The following PTPRK variants were observed in gnomAD, a reference collection of about 807,000 sequenced individuals.
PTPRK encodes the protein receptor-type tyrosine-protein phosphatase kappa.
Under a neutral mutation model 178.0 loss-of-function variants are expected in PTPRK, and 75 were observed. The ratio of observed to expected loss-of-function variants is 0.42; its 90% CI spans 0.35 to 0.51. PTPRK has a LOEUF of 0.51. Ranked by LOEUF, PTPRK falls within the 20% of genes least tolerant of loss-of-function variation. The probability of loss-of-function intolerance (pLI) is 0.02; values close to 1 mark genes in which losing one functional copy is unlikely to be tolerated. For synonymous variants in PTPRK, 637 were observed against 620.6 expected (o/e 1.03, Z -0.39); for missense variants, 1,441 against 1,797.8 (o/e 0.80, Z 3.59).
intron 25 of PTPRK, among the ~76,000 whole-genome samples, chr6:127,980,070 G>A (rs1034554271): frequency 6.6e-6 from 1 of 152,160 alleles, no homozygotes; most frequent in Admixed American, 6.5e-5. Context: ...CAGTACTTTG[G>A]GGGGCCGAGG....
intron 3 of PTPRK, among the ~76,000 whole-genome samples, chr6:128,264,492 A>AT (rs1562158314): frequency 1.3e-5 from 2 of 151,876 alleles, no homozygotes; most frequent in Admixed American, 1.3e-4. Context: ...TAATTTTATT[A>AT]TTTTTTTAGA....
At chr6:128,298,000 G>C (rs561229101) in intron 3 of PTPRK, among the ~76,000 whole-genome samples, 1 of 152,100 alleles carries the variant, frequency 6.6e-6, no homozygotes, top group Non-Finnish European at 1.5e-5. Context: ...AAGAAGAAAA[G>C]AGAGAAGAAT....
At chr6:128,040,965 T>A (rs9482861) in intron 13 of PTPRK, among the ~76,000 whole-genome samples, 33,216 of 152,002 alleles carry the variant, frequency 0.22, 4,709 homozygotes, top group African/African-American at 0.4. Context: ...AGAACTATGC[T>A]GATGTTTGGG....
At position 128,493,591 on chromosome 6, in the gene PTPRK, T is replaced by TACACACACACACAC. The variant is rs59656384; in HGVS notation, c.100+26654_100+26667dup. 4.6e-4 allele frequency among the ~76,000 whole-genome samples: 57 copies of TACACACACACACAC among 124,026 alleles called. 2 individuals are homozygous for TACACACACACACAC. Among genetic ancestry groups the TACACACACACACAC allele is most frequent in the African/African-American group, 1.5e-3 (49 of 32,252 alleles). 81.4% of individuals were successfully genotyped at this position (124,026 alleles called of 152,430 possible). A position where few individuals can be genotyped will look rare whatever the true frequency, so the allele number is the denominator to read the frequency against. On this transcript the variant is annotated intron_variant, in intron 1 of 29. Coordinates refer to ENST00000368226, the MANE Select transcript of PTPRK (RefSeq NM_002844.4). ...AAAAAAAAAAGTACCTCCCGCCCCC[T>TACACACACACACAC]ACACACACACACACACACACACACA...
chr6:128,261,180 C>G (rs907529183), intron 3 of PTPRK, among the ~76,000 whole-genome samples: 3 of 151,946 alleles, frequency 2.0e-5, no homozygotes, highest in Admixed American at 6.6e-5. Context: ...AAAGAAAAAC[C>G]CATCAATTTT....
intron 10 of PTPRK, among the ~76,000 whole-genome samples, chr6:128,080,914 G>A (rs900797587): frequency 6.6e-6 from 1 of 151,948 alleles, no homozygotes; most frequent in Non-Finnish European, 1.5e-5. Flanking sequence ...ACAAGTAAAA[G>A]TGAAGTTGAA....
At chr6:128,295,141 C>G (rs1824083503) in intron 3 of PTPRK, among the ~76,000 whole-genome samples, 1 of 152,070 alleles carries the variant, frequency 6.6e-6, no homozygotes, top group African/African-American at 2.4e-5. Context: ...ATGCAATAAA[C>G]TATGTGTCAA....
At chr6:128,456,963 C>CAATAA (rs1848471931) in intron 1 of PTPRK, among the ~76,000 whole-genome samples, 2 of 152,036 alleles carry the variant, frequency 1.3e-5, no homozygotes, top group Non-Finnish European at 2.9e-5. Context: ...AATAACAGCT[C>CAATAA]CCAACCCACC....
chr6:128,306,600 C>G (rs552780717), intron 3 of PTPRK, among the ~76,000 whole-genome samples: 4 of 152,012 alleles, frequency 2.6e-5, no homozygotes, highest in Admixed American at 2.0e-4. Flanking sequence ...TCAAGGCTAG[C>G]TTGGTCAACA....
At chr6:128,002,254 T>C (rs1777913222) in intron 15 of PTPRK, among the ~76,000 whole-genome samples, 1 of 151,752 alleles carries the variant, frequency 6.6e-6, no homozygotes, top group Admixed American at 6.6e-5. Context: ...ATAACAAAAA[T>C]ACAAGCATAA....
At chr6:128,387,916 A>T (rs1167581784) in intron 2 of PTPRK, among the ~76,000 whole-genome samples, 1 of 152,154 alleles carries the variant, frequency 6.6e-6, no homozygotes, top group East Asian at 1.9e-4. Flanking sequence ...GAAGAAGAAG[A>T]ATACACTAAC....
intron 3 of PTPRK, among the ~76,000 whole-genome samples, chr6:128,272,587 A>C (rs188749156): frequency 1.3e-5 from 2 of 152,356 alleles, no homozygotes; most frequent in East Asian, 1.9e-4. Context: ...ACATTTATGC[A>C]GCCAACAGAC....
At chr6:128,105,340 A>G (rs1211075496) in intron 7 of PTPRK, among the ~76,000 whole-genome samples, 4 of 151,996 alleles carry the variant, frequency 2.6e-5, no homozygotes, top group Admixed American at 2.0e-4. Flanking sequence ...TCACCGTGTT[A>G]GCCAGGATGG....
At chr6:128,179,303 T>C (rs1801559978) in intron 7 of PTPRK, among the ~76,000 whole-genome samples, 1 of 152,090 alleles carries the variant, frequency 6.6e-6, no homozygotes, top group African/African-American at 2.4e-5. Context: ...AGTTTTTTTC[T>C]GAATAAATAT....
At chr6:128,238,130 TGTCC>T in intron 5 of PTPRK, 1 of 437,508 alleles carries the variant, frequency 2.3e-6, no homozygotes, top group Non-Finnish European at 4.5e-6. Context: ...AATGAGGCAA[TGTCC>T]ATGTCAAAGT....
At chr6:128,074,034 A>T (rs2114968092) in intron 11 of PTPRK, among the ~76,000 whole-genome samples, 1 of 152,126 alleles carries the variant, frequency 6.6e-6, no homozygotes, top group African/African-American at 2.4e-5. Context: ...CCTAACATAC[A>T]TTTGTCTGTT....
Position 128,089,967 on chromosome 6 carries a change from TA to T in PTPRK, c.1187del (p.Leu396Ter). 1 of 1,609,026 alleles carries T rather than the reference TA, an allele frequency of 6.2e-7. No individual in the cohort carries two copies. ...CAEPMRTPKT[L>X]KIAEIQARRI... is the part of the protein sequence containing the mutation. Reference sequence around the variant, plus strand: ...GTCTTGCCTGTATTTCAGCAATCTTTAATGTCTTTGGGGTTCTCATAGGTTC... The same window carrying T: ...GTCTTGCCTGTATTTCAGCAATCTTTATGTCTTTGGGGTTCTCATAGGTTC... On this transcript the variant is annotated frameshift_variant, in exon 8 of 30. Transcript: ENST00000368226. LOFTEE classifies it high-confidence loss of function.
intron 2 of PTPRK, among the ~76,000 whole-genome samples, chr6:128,365,692 G>A (rs1165951157): frequency 6.6e-6 from 1 of 152,064 alleles, no homozygotes; most frequent in African/African-American, 2.4e-5. Context: ...TATCAGCCTT[G>A]TCTTTGTACT....
chr6:128,449,118 C>A (rs949673460), intron 1 of PTPRK, among the ~76,000 whole-genome samples: 9 of 152,120 alleles, frequency 5.9e-5, no homozygotes, highest in Non-Finnish European at 1.2e-4. Flanking sequence ...CCTCGGCCTC[C>A]CAAAGTGCTG....
Sources: gnomAD v4.1 joint callset for allele counts (sites outside exome capture counted in the v4.1 genomes callset) on GRCh38, gnomAD v4.1.1 for gene constraint, MANE v1.5 for transcripts, NCBI Gene and HGNC (gene_info 2026-07-23, HGNC 2026-07-21) for gene names.